HCN1: variants seen among roughly 807,000 people sequenced by gnomAD.
HCN1 encodes the protein hyperpolarization activated cyclic nucleotide gated potassium channel 1.
A neutral mutation model predicts 78.9 loss-of-function variants in HCN1; 13 were observed. The observed-to-expected ratio is 0.16, with a 90% CI of 0.11 to 0.26. HCN1 has a LOEUF of 0.26. Ranked by LOEUF, HCN1 falls within the 10% of genes least tolerant of loss-of-function variation. HCN1 has a pLI of 1.00. For synonymous variants in HCN1, 552 were observed against 455.5 expected, an observed-to-expected ratio of 1.21 and a Z score of -2.70; for missense variants, 810 against 1,154.3, an observed-to-expected ratio of 0.70 and a Z score of 4.32.
chr5:45,477,844 C>T (rs1165812615), intron 2 of HCN1, among the ~76,000 whole-genome samples: 1 of 151,854 alleles, frequency 6.6e-6, no homozygotes, highest in Non-Finnish European at 1.5e-5. Context: ...TTAAAACAAG[C>T]TTTAAAATGA....
chr5:45,657,723 G>A (rs1171361096), intron 1 of HCN1, among the ~76,000 whole-genome samples: 1 of 152,096 alleles, frequency 6.6e-6, no homozygotes, highest in African/African-American at 2.4e-5. Flanking sequence ...ACAAACCACT[G>A]CTCAATGAAA....
chr5:45,673,135 G>A (rs868573774), intron 1 of HCN1, among the ~76,000 whole-genome samples: 2 of 151,240 alleles, frequency 1.3e-5, no homozygotes, highest in Non-Finnish European at 3.0e-5. Context: ...AGTTTGGGGG[G>A]TACTCGTCAT....
chr5:45,345,873 C>G (rs1489724084), intron 5 of HCN1, among the ~76,000 whole-genome samples: 1 of 152,216 alleles, frequency 6.6e-6, no homozygotes, highest in African/African-American at 2.4e-5. Flanking sequence ...TGCCCAACTA[C>G]TCTGTACCAG....
chr5:45,359,242 C>T (rs1747064769), intron 4 of HCN1, among the ~76,000 whole-genome samples: 1 of 151,856 alleles, frequency 6.6e-6, no homozygotes, highest in African/African-American at 2.4e-5. Flanking sequence ...AGCTGTCCTT[C>T]CCATTGTATT....
intron 2 of HCN1, among the ~76,000 whole-genome samples, chr5:45,620,518 C>T (rs1232421893): frequency 4.0e-5 from 6 of 151,150 alleles, no homozygotes; most frequent in African/African-American, 1.2e-4. Flanking sequence ...AAGACAAATA[C>T]GGAGAGCATT....
chr5:45,260,409 A>C lies in HCN1; in HGVS notation c.*1512T>G, dbSNP rs2111835645. 6.6e-6 allele frequency: 1 copy of C among 152,342 alleles called. No homozygotes were observed. The highest frequency in any genetic ancestry group is 2.1e-4 in the South Asian group (1 of 4,824). The allele number at this position is 152,342 out of a possible 1,614,324, so 9.4% of individuals were successfully genotyped here. ...TGCTCACAGATCATGTAAAGAGTTA[A>C]GAAAACAGACAGACAATGCTCATAG... On this transcript the variant is annotated 3_prime_UTR_variant, in exon 8 of 8. Coordinates refer to ENST00000303230, the MANE Select transcript of HCN1 (RefSeq NM_021072.4).
chr5:45,332,862 T>C (rs927936952), intron 5 of HCN1, among the ~76,000 whole-genome samples: 4 of 151,790 alleles, frequency 2.6e-5, no homozygotes, highest in Non-Finnish European at 5.9e-5. Context: ...TTTGTATAAG[T>C]ATCACATTTT....
In HCN1 at chr5:45,322,038, CTAAA is replaced by C. The variant is rs564884747; in HGVS notation, c.1378-18203_1378-18200del. Among the ~76,000 whole-genome samples, 474 of 151,944 alleles carry C rather than the reference CTAAA, an allele frequency of 3.1e-3. 1 individual carries two copies. The highest frequency in any genetic ancestry group is 0.011 in the African/African-American group (444 of 41,510). On this transcript the variant is annotated intron_variant, in intron 5 of 7. Coordinates refer to ENST00000303230, the MANE Select transcript of HCN1 (RefSeq NM_021072.4). ...AAACAAATGAGATCTTGAGGCATAA[CTAAA>C]TGATTCAGCATTATATTGGTAAATA...
At chr5:45,463,771 G>A (rs1227414478) in intron 2 of HCN1, among the ~76,000 whole-genome samples, 1 of 151,936 alleles carries the variant, frequency 6.6e-6, no homozygotes, top group Non-Finnish European at 1.5e-5. Flanking sequence ...TTTTGTTGTT[G>A]TTTAGTAACA....
chr5:45,262,424 C>T lies in HCN1; in HGVS notation c.2170G>A (p.Ala724Thr), dbSNP rs141383188. The T allele has an allele frequency of 4.3e-5, 69 of 1,611,060 alleles. No homozygotes were observed. In the African/African-American group the frequency reaches 8.8e-4, roughly 21 times the overall value. ...ARTFHYASPTASQLSLMQQQP... is the reference protein window; with the variant it reads ...ARTFHYASPTTSQLSLMQQQP... Reference sequence around the variant, plus strand: ...TGTTGCATGAGTGACAGCTGGGAGGCGGTGGGGGAGGCATAGTGGAAAGTT... The same window carrying T: ...TGTTGCATGAGTGACAGCTGGGAGGTGGTGGGGGAGGCATAGTGGAAAGTT... Residue 724 changes from alanine (A) to threonine (T), a missense_variant, in exon 8 of 8, where the codon GCC becomes ACC. Transcript: ENST00000303230.
rs149734470 is a variant in HCN1, at chr5:45,368,802, C to G, written c.1231-15556G>C. Among the ~76,000 whole-genome samples, 352 of 152,108 alleles carry G rather than the reference C, an allele frequency of 2.3e-3. 2 individuals are homozygous for G. Among genetic ancestry groups the G allele is most frequent in the African/African-American group, 7.9e-3 (329 of 41,526 alleles). On this transcript the variant is annotated intron_variant, in intron 4 of 7. Coordinates refer to ENST00000303230, the MANE Select transcript of HCN1 (RefSeq NM_021072.4). ...TGCCATATTTTTTTCTCTCATACAC[C>G]GCTTCTGTCAGCAAATTTTATTAGA...
chr5:45,541,899 G>C (rs1012676707), intron 2 of HCN1, among the ~76,000 whole-genome samples: 2 of 152,074 alleles, frequency 1.3e-5, no homozygotes, highest in African/African-American at 2.4e-5. Context: ...TCTTTCCCTT[G>C]ATCAGCTGTG....
chr5:45,410,955 C>T (rs1740010197), intron 3 of HCN1, among the ~76,000 whole-genome samples: 1 of 152,096 alleles, frequency 6.6e-6, no homozygotes, highest in South Asian at 2.1e-4. Context: ...ACTCCTTGAT[C>T]TCACAGACAA....
At chr5:45,569,231 T>G (rs1035624843) in intron 2 of HCN1, among the ~76,000 whole-genome samples, 5 of 152,184 alleles carry the variant, frequency 3.3e-5, no homozygotes, top group African/African-American at 1.2e-4. Context: ...GGTTCTTCAT[T>G]TCTGTAGGTT....
At chr5:45,641,080 G>C (rs1265407283) in intron 2 of HCN1, among the ~76,000 whole-genome samples, 2 of 152,138 alleles carry the variant, frequency 1.3e-5, no homozygotes, top group Non-Finnish European at 2.9e-5. Context: ...AAGCAATAGG[G>C]AGCCTCTCTA....
intron 2 of HCN1, among the ~76,000 whole-genome samples, chr5:45,537,024 G>A: frequency 6.6e-6 from 1 of 152,186 alleles, no homozygotes; most frequent in Non-Finnish European, 1.5e-5. Flanking sequence ...AAATTTGGGT[G>A]TTCCATCCCT....
chr5:45,264,792 C>T lies in HCN1; in HGVS notation c.1784-1982G>A, dbSNP rs563594846. Among the ~76,000 whole-genome samples the T allele has an allele frequency of 2.3e-4, 35 of 152,256 alleles. 1 individual carries two copies. In the South Asian group the frequency reaches 7.0e-3, roughly 31 times the overall value. On this transcript the variant is annotated intron_variant, in intron 7 of 7. Coordinates refer to ENST00000303230, the MANE Select transcript of HCN1 (RefSeq NM_021072.4). ...GGGAAAAATAATGTAACTTTTAATA[C>T]ACTCTTACTATGTTATAAAGATCAA...
At chr5:45,476,508 C>T (rs1226684271) in intron 2 of HCN1, among the ~76,000 whole-genome samples, 1 of 151,968 alleles carries the variant, frequency 6.6e-6, no homozygotes, top group Non-Finnish European at 1.5e-5. Flanking sequence ...TTTTTTTCAC[C>T]TTACTATAAT....
At chr5:45,275,125 A>C (rs2111858816) in intron 6 of HCN1, among the ~76,000 whole-genome samples, 2 of 152,244 alleles carry the variant, frequency 1.3e-5, no homozygotes, top group South Asian at 2.1e-4. Flanking sequence ...AGGCGCCTGA[A>C]ACTCCAGCTA....
Sources: allele counts gnomAD v4.1 joint callset (sites outside exome capture counted in the v4.1 genomes callset), GRCh38; gene constraint gnomAD v4.1.1; transcripts MANE v1.5; gene names NCBI Gene and HGNC (gene_info 2026-07-23, HGNC 2026-07-21).